Variants in XDH observed in about 807,000 individuals in gnomAD.
XDH encodes xanthine dehydrogenase/oxidase.
In XDH, 138 loss-of-function variants were observed where a neutral mutation model predicts 156.1. The ratio of observed to expected loss-of-function variants is 0.88; its 90% CI spans 0.77 to 1.02. The LOEUF (loss-of-function observed/expected upper bound fraction) is 1.02, where lower values mean the gene tolerates loss of function less well. Ranked by LOEUF, XDH falls within the 50% of genes least tolerant of loss-of-function variation. XDH has a pLI of 0.00. For missense variants in XDH, 1,849 were observed against 1,684.9 expected (o/e 1.10, Z -1.71); for synonymous variants, 669 against 625.7 (o/e 1.07, Z -1.03).
At chr2:31,380,933 TTTG>T (rs1686421018) in intron 12 of XDH, among the ~76,000 whole-genome samples, 1 of 152,196 alleles carries the variant, frequency 6.6e-6, no homozygotes, top group Non-Finnish European at 1.5e-5. Context: ...AGTGATGAAT[TTTG>T]AGTATTTATT....
intron 24 of XDH, among the ~76,000 whole-genome samples, chr2:31,356,232 G>A (rs937040705): frequency 6.6e-6 from 1 of 152,216 alleles, no homozygotes; most frequent in Middle Eastern, 3.4e-3. Flanking sequence ...AGAAAATCAG[G>A]AAGGGTATAG....
At chr2:31,343,813 G>GCCTAACATATATATGTTCATATATATA (rs1685208347) in intron 31 of XDH, among the ~76,000 whole-genome samples, 2 of 106,320 alleles carry the variant, frequency 1.9e-5, no homozygotes, top group East Asian at 6.5e-4. Flanking sequence ...ACATATATAT[G>GCCTAACATATATATGTTCATATATATA]CCTAACATAT....
chr2:31,403,339 C>G (rs1042916176), intron 2 of XDH, among the ~76,000 whole-genome samples, 195 bp from the exon 3 acceptor site: 6 of 152,216 alleles, frequency 3.9e-5, no homozygotes, highest in Non-Finnish European at 8.8e-5. Context: ...GCAGGGAACA[C>G]GGCCATCTCC....
Position 31,386,413 on chromosome 2 carries a change from C to T in XDH, c.793+1G>A. 2 of 1,612,742 alleles carry T rather than the reference C, an allele frequency of 1.2e-6. No individual in the cohort carries two copies. The highest frequency in any genetic ancestry group is 1.7e-6 in the Non-Finnish European group (2 of 1,180,002). ...CCCAGGGCAGCCTCCCTGGCCCTTA[C>T]CAATCTCCGTGTTCCCCACGACCAG... is the stretch of plus-strand genomic sequence containing the variant. On this transcript the variant is annotated splice_donor_variant, in intron 9 of 35. Transcript: ENST00000379416. LOFTEE classifies it high-confidence loss of function.
chr2:31,339,395 T>C (rs1685059546), intron 34 of XDH, 94 bp downstream of exon 34: 9 of 1,529,024 alleles, frequency 5.9e-6, no homozygotes, highest in Non-Finnish European at 7.2e-6. Context: ...CCCTTTGAAG[T>C]CCCACCAGGT....
In XDH at chr2:31,339,581, A is replaced by G. The variant is rs2148748511; in HGVS notation, c.3682T>C (p.Tyr1228His). The change falls in exon 34 of 36, where the codon TAC becomes CAC. Residue 1228 changes from tyrosine to histidine, a missense_variant. By Grantham distance (83) the Tyr-to-His change is moderately conservative. Coordinates refer to ENST00000379416, the MANE Select transcript of XDH (RefSeq NM_000379.4). ...ATGCTGCCAAATGCCGGGATCTTGTAGGTGCTAGGGCCACGGGTGTGCAGG... is the reference window on the plus strand; with the variant it reads ...ATGCTGCCAAATGCCGGGATCTTGTGGGTGCTAGGGCCACGGGTGTGCAGG... ...GSLHTRGPSTYKIPAFGSIPI... is the reference protein window; with the variant it reads ...GSLHTRGPSTHKIPAFGSIPI... 1 of 1,614,216 alleles carries G rather than the reference A, an allele frequency of 6.2e-7. No individual in the cohort carries two copies. Among genetic ancestry groups the G allele is most frequent in the East Asian group, 2.2e-5 (1 of 44,866 alleles).
Position 31,334,425 on chromosome 2 carries a change from G to A in XDH, c.*1533C>T, listed in dbSNP as rs1357798029. The A allele has an allele frequency of 3.9e-5, 6 of 152,132 alleles. No individual in the cohort carries two copies. The highest frequency in any genetic ancestry group is 3.9e-4 in the Admixed American group (6 of 15,272). The allele number at this position is 152,132 out of a possible 1,614,324, so 9.4% of individuals were successfully genotyped here. A position where few individuals can be genotyped will look rare whatever the true frequency, so the allele number is the denominator to read the frequency against. On this transcript the variant is annotated 3_prime_UTR_variant, in exon 36 of 36. Transcript: ENST00000379416. ...GAACCACAGATTCTCTCTGGCAGAA[G>A]GTTGGATTTATACAGTGAAGGCATG...
chr2:31,373,702 A>ATG (rs1245162503), intron 16 of XDH, among the ~76,000 whole-genome samples, 171 bp downstream of exon 16: 1 of 152,202 alleles, frequency 6.6e-6, no homozygotes, highest in East Asian at 1.9e-4. Flanking sequence ...AAATAGTGAC[A>ATG]TTAACATCTA....
rs1026525167 is a variant in XDH, at chr2:31,405,176, G to A, written c.100+731C>T. On this transcript the variant is annotated intron_variant, in intron 2 of 35. Coordinates refer to ENST00000379416, the MANE Select transcript of XDH (RefSeq NM_000379.4). ...CTCCTCTGTGAAAAGGGAGTGTTAC[G>A]CTTCCATGGGATTCCTGTGGAGATT... Among the ~76,000 whole-genome samples the A allele has an allele frequency of 3.9e-5, 6 of 152,170 alleles. 1 individual carries two copies. The highest frequency in any genetic ancestry group is 5.9e-5 in the Non-Finnish European group (4 of 68,030).
intron 30 of XDH, 133 bp downstream of exon 30, chr2:31,346,636 C>CA: frequency 8.9e-7 from 1 of 1,117,634 alleles, no homozygotes; most frequent in Non-Finnish European, 1.4e-6. Context: ...TAAAATCACA[C>CA]AAACCACCTC....
At chr2:31,397,872 T>C (rs1686952467) in intron 5 of XDH, 143 bp from the exon 6 acceptor site, 3 of 889,948 alleles carry the variant, frequency 3.4e-6, no homozygotes, top group Admixed American at 2.0e-5. Context: ...CCTCTTGGCC[T>C]TCTCATATCC....
chr2:31,403,098 C>A lies in XDH; in HGVS notation c.147G>T (p.Gly49=). The change falls in exon 3 of 36, where the codon GGG becomes GGT. Residue 49 remains glycine, a synonymous_variant. Transcript: ENST00000379416. ...ACTTGGAGAGCATCACTGTGCAAGC[C>A]CCGCAGCCCCCCTCTCCACAGCCGA... is the stretch of plus-strand genomic sequence containing the variant. ...TKLGCGEGGC[G]ACTVMLSKYD... 1 of 1,614,170 alleles carries A rather than the reference C, an allele frequency of 6.2e-7. No individual in the cohort carries two copies. The highest frequency in any genetic ancestry group is 1.1e-5 in the South Asian group (1 of 91,086).
chr2:31,368,181 T>G (rs1443333417), intron 19 of XDH, 124 bp from the exon 20 acceptor site: 1 of 885,342 alleles, frequency 1.1e-6, no homozygotes, highest in Non-Finnish European at 1.9e-6. Flanking sequence ...AATCTCTATA[T>G]GCTTCACATA....
intron 22 of XDH, among the ~76,000 whole-genome samples, 153 bp downstream of exon 22, chr2:31,365,823 C>G (rs773207097): frequency 6.6e-6 from 1 of 152,214 alleles, no homozygotes; most frequent in Non-Finnish European, 1.5e-5. Context: ...TACCCTCCCA[C>G]TATGCCCAAG....
chr2:31,383,185 T>G (rs1686487055), intron 10 of XDH, 33 bp from the exon 11 acceptor site: 1 of 1,613,910 alleles, frequency 6.2e-7, no homozygotes, highest in South Asian at 1.1e-5. Flanking sequence ...ACAGCAATTC[T>G]TCCCACAGTT....
At chr2:31,386,735 C>T (rs1419929511) in intron 8 of XDH, among the ~76,000 whole-genome samples, 180 bp from the exon 9 acceptor site, 1 of 152,082 alleles carries the variant, frequency 6.6e-6, no homozygotes, top group Non-Finnish European at 1.5e-5. Context: ...CTAGTCTTTA[C>T]AAGACTTCCA....
chr2:31,383,668 G>T, intron 10 of XDH, 87 bp downstream of exon 10: 1 of 1,306,410 alleles, frequency 7.7e-7, no homozygotes, highest in Non-Finnish European at 1.1e-6. Context: ...AGCCAGTGGG[G>T]AGACCACCCT....
At chr2:31,378,352 C>T (rs1383107497) in intron 13 of XDH, among the ~76,000 whole-genome samples, 5 of 152,170 alleles carry the variant, frequency 3.3e-5, no homozygotes, top group Admixed American at 3.3e-4. Flanking sequence ...AGCCACCTGA[C>T]TTCAGGCCCT....
At chr2:31,384,911 C>T (rs1686544079) in intron 9 of XDH, among the ~76,000 whole-genome samples, 3 of 152,174 alleles carry the variant, frequency 2.0e-5, no homozygotes, top group Admixed American at 2.0e-4. Flanking sequence ...CTGGAGGTGA[C>T]TATGCTATTG....
Sources: allele counts gnomAD v4.1 joint callset (sites outside exome capture counted in the v4.1 genomes callset), GRCh38; gene constraint gnomAD v4.1.1; transcripts MANE v1.5; gene names NCBI Gene and HGNC (gene_info 2026-07-23, HGNC 2026-07-21).